Variants in CEMIP observed in about 807,000 individuals in gnomAD.
CEMIP encodes cell migration inducing hyaluronidase 1.
In CEMIP, 105 loss-of-function variants were observed where a neutral mutation model predicts 156.9. The ratio of observed to expected loss-of-function variants is 0.67; its 90% CI spans 0.57 to 0.79. CEMIP has a LOEUF of 0.79. Among genes scored for constraint, CEMIP ranks in the 30% least tolerant of loss-of-function variants. The probability of loss-of-function intolerance (pLI) is 0.00; values close to 1 mark genes in which losing one functional copy is unlikely to be tolerated. For synonymous variants in CEMIP, 676 were observed against 668.4 expected, an observed-to-expected ratio of 1.01 and a Z score of -0.17; for missense variants, 1,457 against 1,769.4, an observed-to-expected ratio of 0.82 and a Z score of 3.17.
intron 1 of CEMIP, among the ~76,000 whole-genome samples, chr15:80,822,129 G>A (rs898200666): frequency 7.9e-5 from 12 of 152,310 alleles, no homozygotes; most frequent in African/African-American, 2.4e-4. Context: ...AACTGGCTTC[G>A]ACAGAAGCTC....
chr15:80,794,668 G>A (rs1896169991), intron 1 of CEMIP, among the ~76,000 whole-genome samples: 2 of 152,096 alleles, frequency 1.3e-5, no homozygotes, highest in South Asian at 4.1e-4. Flanking sequence ...TTCAAAATTG[G>A]TATGTATTTT....
intron 25 of CEMIP, among the ~76,000 whole-genome samples, chr15:80,941,048 T>G (rs1267674196): frequency 6.6e-6 from 1 of 152,144 alleles, no homozygotes; most frequent in Non-Finnish European, 1.5e-5. Flanking sequence ...GGCCCCTCTG[T>G]GAGTCCAATG....
intron 1 of CEMIP, among the ~76,000 whole-genome samples, chr15:80,872,831 TAATAA>T (rs1167240123): frequency 3.7e-4 from 57 of 152,186 alleles, no homozygotes; most frequent in Middle Eastern, 3.4e-3. Flanking sequence ...TAAAATAAAA[TAATAA>T]AATAAAATAG....
chr15:80,881,230 G>A, intron 6 of CEMIP, 94 bp downstream of exon 6: 2 of 1,050,004 alleles, frequency 1.9e-6, no homozygotes, highest in Admixed American at 1.7e-5. Context: ...GGTGCTGGGA[G>A]AACAGCAGTG....
chr15:80,948,570 T>C (rs1245854100), intron 29 of CEMIP: 2 of 599,628 alleles, frequency 3.3e-6, no homozygotes, highest in Non-Finnish European at 6.0e-6. Flanking sequence ...GCCATCACCC[T>C]GCCTAGGTGG....
At chr15:80,939,185 C>T (rs754060414) in intron 25 of CEMIP, among the ~76,000 whole-genome samples, 6 of 152,284 alleles carry the variant, frequency 3.9e-5, no homozygotes, top group Admixed American at 1.3e-4. Context: ...TTACCTCCTC[C>T]GCCCCAGGGA....
intron 12 of CEMIP, among the ~76,000 whole-genome samples, chr15:80,898,686 T>TACAAGCATAAGCCACC (rs1241894886): frequency 3.3e-5 from 5 of 152,284 alleles, no homozygotes; most frequent in Non-Finnish European, 7.4e-5. Flanking sequence ...GTGCCAGGAT[T>TACAAGCATAAGCCACC]ACAAGCATAA....
chr15:80,921,883 G>C (rs1237780706), intron 16 of CEMIP, 126 bp from the exon 17 acceptor site: 13 of 1,231,362 alleles, frequency 1.1e-5, no homozygotes, highest in East Asian at 2.3e-5. Context: ...GGTGGGCACC[G>C]AGGGCTCCTG....
At position 80,790,939 on chromosome 15, in the gene CEMIP, G is replaced by A. The variant is rs1896065396; in HGVS notation, c.-176+11325G>A. 2.0e-5 allele frequency among the ~76,000 whole-genome samples: 3 copies of A among 152,236 alleles called. No individual in the cohort carries two copies. The South Asian group carries it at 6.2e-4, about 32-fold the overall frequency. ...ATGCTGTAACAGAGGCATAAACAAA[G>A]CAATATGGAAGCACTACAAAGTGAT... is the stretch of plus-strand genomic sequence containing the variant. On this transcript the variant is annotated intron_variant, in intron 1 of 29. Transcript: ENST00000394685.
intron 23 of CEMIP, among the ~76,000 whole-genome samples, chr15:80,936,189 A>G (rs1351305430): frequency 6.6e-6 from 1 of 152,264 alleles, no homozygotes; most frequent in African/African-American, 2.4e-5. Context: ...GACTGGCCTC[A>G]GGGGCCAGAC....
chr15:80,823,931 G>C (rs1896967205), intron 1 of CEMIP, among the ~76,000 whole-genome samples: 1 of 152,180 alleles, frequency 6.6e-6, no homozygotes, highest in Non-Finnish European at 1.5e-5. Context: ...GAGCACACCT[G>C]TTAAGTGGTA....
At chr15:80,915,984 G>A (rs1035856090) in intron 14 of CEMIP, among the ~76,000 whole-genome samples, 8 of 152,128 alleles carry the variant, frequency 5.3e-5, no homozygotes, top group Non-Finnish European at 1.2e-4. Flanking sequence ...ATTTGTTGTC[G>A]AGTTTTTCAT....
intron 1 of CEMIP, among the ~76,000 whole-genome samples, chr15:80,848,900 GCACA>G (rs3221932): frequency 3.0e-5 from 4 of 134,630 alleles, no homozygotes; most frequent in East Asian, 2.2e-4. Context: ...GTGTGCGCGT[GCACA>G]CACACACACA....
chr15:80,812,888 C>T (rs147542059), intron 1 of CEMIP, among the ~76,000 whole-genome samples: 410 of 152,234 alleles, frequency 2.7e-3, no homozygotes, highest in Middle Eastern at 0.014. Flanking sequence ...TTTGTGTGCC[C>T]TGTTGGAAGG....
intron 5 of CEMIP, 102 bp from the exon 6 acceptor site, chr15:80,880,797 TG>T: frequency 6.6e-6 from 6 of 903,294 alleles, no homozygotes; most frequent in Non-Finnish European, 9.2e-6. Flanking sequence ...GTGGCCGTGG[TG>T]GGGGGTCAGG....
At chr15:80,948,467 G>A in intron 29 of CEMIP, 1 of 389,526 alleles carries the variant, frequency 2.6e-6, no homozygotes, top group Non-Finnish European at 4.9e-6. Flanking sequence ...GTTGTCCTAG[G>A]GGCAGCTCAA....
intron 1 of CEMIP, among the ~76,000 whole-genome samples, chr15:80,837,803 G>A (rs1392313910): frequency 1.3e-5 from 2 of 152,222 alleles, no homozygotes; most frequent in Non-Finnish European, 2.9e-5. Context: ...CTGAGCTCAT[G>A]GTATAGACAT....
intron 12 of CEMIP, among the ~76,000 whole-genome samples, chr15:80,900,585 G>GT (rs1899441267): frequency 1.3e-5 from 1 of 74,932 alleles, no homozygotes; most frequent in Non-Finnish European, 2.5e-5. Context: ...CCCAGGTAGG[G>GT]GTGTGTGTGT....
At chr15:80,824,515 T>C (rs1896984976) in intron 1 of CEMIP, among the ~76,000 whole-genome samples, 2 of 152,176 alleles carry the variant, frequency 1.3e-5, no homozygotes, top group African/African-American at 4.8e-5. Context: ...CAGCATCCTC[T>C]GCTCCAGACC....
Sources: gnomAD v4.1 joint callset for allele counts (sites outside exome capture counted in the v4.1 genomes callset) on GRCh38, gnomAD v4.1.1 for gene constraint, MANE v1.5 for transcripts, NCBI Gene and HGNC (gene_info 2026-07-23, HGNC 2026-07-21) for gene names.